Variants in ERBB4 observed in about 807,000 individuals in gnomAD.
The protein encoded by ERBB4 is erb-b2 receptor tyrosine kinase 4, also known as receptor tyrosine-protein kinase erbB-4.
In ERBB4, 42 loss-of-function variants were observed where a neutral mutation model predicts 158.0. That is an observed-to-expected ratio of 0.27 (90% confidence interval 0.21 to 0.34). The LOEUF (loss-of-function observed/expected upper bound fraction) is 0.34. ERBB4 is among the 10% of genes least tolerant of loss of function. The pLI is 1.00. For synonymous variants in ERBB4, 583 were observed against 558.7 expected, an observed-to-expected ratio of 1.04 and a Z score of -0.61; for missense variants, 1,333 against 1,624.1, an observed-to-expected ratio of 0.82 and a Z score of 3.08.
chr2:211,917,424 A>C (rs2079727875), intron 3 of ERBB4, among the ~76,000 whole-genome samples: 1 of 152,146 alleles, frequency 6.6e-6, no homozygotes, highest in South Asian at 2.1e-4. Flanking sequence ...GAGAGTGTGC[A>C]AGCACTGTTA....
intron 3 of ERBB4, among the ~76,000 whole-genome samples, chr2:211,877,922 A>G (rs1299205899): frequency 1.3e-5 from 2 of 152,168 alleles, no homozygotes; most frequent in African/African-American, 4.8e-5. Flanking sequence ...AGCCTGGCCA[A>G]CATGGCAAAA....
Position 211,772,957 on chromosome 2 carries a change from T to TATATA in ERBB4, c.556+15067_556+15068insTATAT, listed in dbSNP as rs1265057935. Among the ~76,000 whole-genome samples, 79 of 113,880 alleles carry TATATA rather than the reference T, an allele frequency of 6.9e-4. 3 individuals carry two copies. The highest frequency in any genetic ancestry group is 1.6e-3 in the African/African-American group (43 of 27,424). The allele number at this position is 113,880 out of a possible 152,430, so 74.7% of individuals were successfully genotyped here. ...TATATATATATATATATATATATAT[T>TATATA]TTTTTTTTTAAAGATGGGGTCCTAC... On this transcript the variant is annotated intron_variant, in intron 4 of 27. Transcript: ENST00000342788.
intron 1 of ERBB4, among the ~76,000 whole-genome samples, chr2:212,493,083 T>C (rs1560473685): frequency 6.6e-6 from 1 of 151,502 alleles, no homozygotes; most frequent in Admixed American, 6.6e-5. Context: ...TTGGTTCACA[T>C]TTCTTGAAAT....
At chr2:211,983,832 T>C (rs2081868862) in intron 2 of ERBB4, among the ~76,000 whole-genome samples, 1 of 152,182 alleles carries the variant, frequency 6.6e-6, no homozygotes, top group Non-Finnish European at 1.5e-5. Flanking sequence ...TTGTGGAAGT[T>C]ATCAATAACA....
intron 2 of ERBB4, among the ~76,000 whole-genome samples, chr2:212,002,770 G>C (rs1027123648): frequency 6.6e-6 from 1 of 152,000 alleles, no homozygotes; most frequent in Non-Finnish European, 1.5e-5. Flanking sequence ...TTTGAAAAAT[G>C]AATGTCAGCT....
chr2:212,147,775 T>C (rs866987149), intron 1 of ERBB4, among the ~76,000 whole-genome samples: 16 of 152,194 alleles, frequency 1.1e-4, no homozygotes, highest in Middle Eastern at 6.3e-3. Context: ...TGTTTTGCTG[T>C]CATTATCTGA....
At chr2:212,331,075 C>CGTATAT (rs961860230) in intron 1 of ERBB4, among the ~76,000 whole-genome samples, 1 of 21,302 alleles carries the variant, frequency 4.7e-5, no homozygotes, top group Non-Finnish European at 1.8e-4. Context: ...TATATATACA[C>CGTATAT]ATATATATAT....
chr2:211,858,058 A>T (rs2077916430), intron 3 of ERBB4, among the ~76,000 whole-genome samples: 1 of 152,206 alleles, frequency 6.6e-6, no homozygotes, highest in Non-Finnish European at 1.5e-5. Context: ...TAACACACAC[A>T]TTTATTTACT....
chr2:212,439,906 G>C (rs1213580057), intron 1 of ERBB4, among the ~76,000 whole-genome samples: 1 of 152,134 alleles, frequency 6.6e-6, no homozygotes, highest in Non-Finnish European at 1.5e-5. Flanking sequence ...TAGTATAGTA[G>C]CATGGTAAAT....
intron 2 of ERBB4, 58 bp downstream of exon 2, chr2:212,124,694 T>C: frequency 6.3e-7 from 1 of 1,584,398 alleles, no homozygotes; most frequent in Non-Finnish European, 8.7e-7. Context: ...GGTCTGCCTG[T>C]ATGCATCATG....
intron 25 of ERBB4, among the ~76,000 whole-genome samples, chr2:211,417,808 ATTAT>A (rs1263476128): frequency 7.2e-5 from 11 of 152,198 alleles, no homozygotes; most frequent in African/African-American, 2.4e-4. Context: ...AGAAAGTGTG[ATTAT>A]TTATGATATA....
intron 14 of ERBB4, among the ~76,000 whole-genome samples, chr2:211,666,002 A>G (rs914253965): frequency 6.6e-6 from 1 of 152,214 alleles, no homozygotes; most frequent in African/African-American, 2.4e-5. Flanking sequence ...ATTAACTAAA[A>G]CTGAATTTCA....
intron 1 of ERBB4, among the ~76,000 whole-genome samples, chr2:212,277,184 G>A (rs927175584): frequency 1.3e-5 from 2 of 151,684 alleles, no homozygotes; most frequent in African/African-American, 2.4e-5. Flanking sequence ...AGTGGGCTGC[G>A]ATACACATTG....
At chr2:212,470,093 G>A (rs17259910) in intron 1 of ERBB4, among the ~76,000 whole-genome samples, 23,556 of 151,714 alleles carry the variant, frequency 0.16, 2,365 homozygotes, top group Non-Finnish European at 0.22. Flanking sequence ...TTAAATGTCC[G>A]GTTTGTCTGT....
At chr2:212,194,191 A>T (rs1266673891) in intron 1 of ERBB4, among the ~76,000 whole-genome samples, 1 of 152,008 alleles carries the variant, frequency 6.6e-6, no homozygotes, top group Non-Finnish European at 1.5e-5. Flanking sequence ...AGACGGACAG[A>T]ATAGAACAAA....
intron 3 of ERBB4, among the ~76,000 whole-genome samples, chr2:211,913,155 A>G (rs1170026397): frequency 6.6e-6 from 1 of 152,080 alleles, no homozygotes; most frequent in East Asian, 1.9e-4. Context: ...CTTGTCAGTG[A>G]TTTTTCAGAG....
At chr2:212,220,645 C>G (rs1352187074) in intron 1 of ERBB4, among the ~76,000 whole-genome samples, 1 of 151,392 alleles carries the variant, frequency 6.6e-6, no homozygotes, top group Non-Finnish European at 1.5e-5. Flanking sequence ...AACCATTTGC[C>G]AAAATGTCTT....
At chr2:211,408,702 T>C (rs115350781) in intron 25 of ERBB4, among the ~76,000 whole-genome samples, 1,747 of 152,328 alleles carry the variant, frequency 0.011, 32 homozygotes, top group African/African-American at 0.039. Flanking sequence ...GGTCATTCTC[T>C]TTGGAGCCGG....
chr2:212,439,731 T>C (rs546608195), intron 1 of ERBB4, among the ~76,000 whole-genome samples: 6 of 152,284 alleles, frequency 3.9e-5, no homozygotes, highest in African/African-American at 1.4e-4. Flanking sequence ...AGAAACAGCC[T>C]TCTGGAGGAG....
Sources: allele counts gnomAD v4.1 joint callset (sites outside exome capture counted in the v4.1 genomes callset), GRCh38; gene constraint gnomAD v4.1.1; transcripts MANE v1.5; gene names NCBI Gene and HGNC (gene_info 2026-07-23, HGNC 2026-07-21).